WDFY2: variants seen among roughly 807,000 people sequenced by gnomAD.
WDFY2 encodes the protein WD repeat and FYVE domain-containing protein 2.
A neutral mutation model predicts 56.4 loss-of-function variants in WDFY2; 36 were observed. That is an observed-to-expected ratio of 0.64 (90% CI 0.49 to 0.84). The LOEUF (loss-of-function observed/expected upper bound fraction) is 0.84, where lower values mean the gene tolerates loss of function less well. WDFY2 is among the 40% of genes least tolerant of loss of function. The pLI is 0.00. For missense variants in WDFY2, 444 were observed against 512.2 expected (o/e 0.87, Z 1.29); for synonymous variants, 176 against 183.7 (o/e 0.96, Z 0.34).
chr13:51,750,354 G>A (rs938574321), intron 7 of WDFY2, among the ~76,000 whole-genome samples: 3 of 152,034 alleles, frequency 2.0e-5, no homozygotes, highest in Admixed American at 1.3e-4. Flanking sequence ...AGAGGTGAAG[G>A]CTTTTCTGGA....
intron 1 of WDFY2, among the ~76,000 whole-genome samples, chr13:51,595,399 C>T (rs978572648): frequency 6.6e-5 from 10 of 152,274 alleles, no homozygotes; most frequent in East Asian, 1.9e-4. Flanking sequence ...TTGAATTTGT[C>T]GGCAAGGTTT....
intron 1 of WDFY2, among the ~76,000 whole-genome samples, chr13:51,628,405 G>T (rs930044531): frequency 6.6e-6 from 1 of 152,240 alleles, no homozygotes. Context: ...AGGCCAGGGC[G>T]TGGGAGCAGG....
chr13:51,662,855 G>GTTC (rs1371859855), intron 2 of WDFY2, among the ~76,000 whole-genome samples: 1 of 152,178 alleles, frequency 6.6e-6, no homozygotes, highest in Non-Finnish European at 1.5e-5. Flanking sequence ...TGCCTTCGGT[G>GTTC]TTCTACTAAA....
chr13:51,594,787 C>T (rs765586621), intron 1 of WDFY2, among the ~76,000 whole-genome samples: 3 of 152,188 alleles, frequency 2.0e-5, no homozygotes, highest in Non-Finnish European at 4.4e-5. Flanking sequence ...GGGAGGTTTA[C>T]ATGAGATGAT....
intron 2 of WDFY2, among the ~76,000 whole-genome samples, chr13:51,674,461 G>C (rs150787078): frequency 3.9e-5 from 6 of 152,110 alleles, no homozygotes; most frequent in Admixed American, 3.3e-4. Flanking sequence ...GCTTAGGCTC[G>C]GGTGTACTCA....
chr13:51,606,186 A>G (rs1024658701), intron 1 of WDFY2, among the ~76,000 whole-genome samples: 1 of 152,202 alleles, frequency 6.6e-6, no homozygotes, highest in Non-Finnish European at 1.5e-5. Context: ...CTAGCACATG[A>G]TAGGATTTTT....
chr13:51,619,188 C>G (rs993092885), intron 1 of WDFY2, among the ~76,000 whole-genome samples: 4 of 152,182 alleles, frequency 2.6e-5, no homozygotes. Flanking sequence ...TGTGGTGGCT[C>G]ACGCCTGTAA....
intron 4 of WDFY2, among the ~76,000 whole-genome samples, chr13:51,718,504 T>C (rs528641021): frequency 1.2e-4 from 18 of 151,552 alleles, no homozygotes; most frequent in Admixed American, 2.0e-4. Flanking sequence ...ATAACTGTGA[T>C]CATATTGCTC....
At chr13:51,727,394 A>G (rs1952626929) in intron 5 of WDFY2, among the ~76,000 whole-genome samples, 1 of 152,170 alleles carries the variant, frequency 6.6e-6, no homozygotes, top group Non-Finnish European at 1.5e-5. Flanking sequence ...TTCCATATGA[A>G]CACTTCTGGC....
rs559237842 is a variant in WDFY2, at chr13:51,594,683, G to C, written c.137+9859G>C. Among the ~76,000 whole-genome samples the C allele has an allele frequency of 3.3e-5, 5 of 152,302 alleles. No individual in the cohort carries two copies. The South Asian group carries it at 6.2e-4, about 19-fold the overall frequency. On this transcript the variant is annotated intron_variant, in intron 1 of 11. Coordinates refer to ENST00000298125, the MANE Select transcript of WDFY2 (RefSeq NM_052950.4). Reference sequence around the variant, plus strand: ...CCAGGTCATCTGGCTAATGGGAAAGGAATCAGATATTGGCTCTTTCCAAAG... The same window carrying C: ...CCAGGTCATCTGGCTAATGGGAAAGCAATCAGATATTGGCTCTTTCCAAAG...
chr13:51,660,037 A>T (rs1008010137), intron 1 of WDFY2, among the ~76,000 whole-genome samples: 4 of 152,248 alleles, frequency 2.6e-5, no homozygotes, highest in African/African-American at 9.6e-5. Flanking sequence ...CACTATCATG[A>T]TTACACATGT....
chr13:51,617,512 C>T (rs1204920811), intron 1 of WDFY2, among the ~76,000 whole-genome samples: 1 of 152,150 alleles, frequency 6.6e-6, no homozygotes, highest in Non-Finnish European at 1.5e-5. Flanking sequence ...ATCATGAAGT[C>T]ATTCCTCCCT....
intron 1 of WDFY2, among the ~76,000 whole-genome samples, chr13:51,658,200 A>G (rs1955545111): frequency 6.6e-6 from 1 of 152,176 alleles, no homozygotes; most frequent in Non-Finnish European, 1.5e-5. Context: ...TGCAAATACT[A>G]TATTCCTTGT....
At chr13:51,678,051 A>G (rs1408787320) in intron 3 of WDFY2, among the ~76,000 whole-genome samples, 3 of 152,164 alleles carry the variant, frequency 2.0e-5, no homozygotes, top group Non-Finnish European at 4.4e-5. Context: ...CTGCTCTGCC[A>G]TCTTGGTCTA....
intron 1 of WDFY2, among the ~76,000 whole-genome samples, chr13:51,633,181 A>T (rs1593907923): frequency 1.3e-5 from 2 of 152,138 alleles, no homozygotes; most frequent in South Asian, 4.2e-4. Context: ...CCAGGCAGAA[A>T]CTCCAACCAG....
chr13:51,626,184 T>G (rs1210849968), intron 1 of WDFY2, among the ~76,000 whole-genome samples: 1 of 152,214 alleles, frequency 6.6e-6, no homozygotes, highest in East Asian at 1.9e-4. Flanking sequence ...CATACATTCT[T>G]CAACAATAAG....
chr13:51,687,405 A>T (rs937113479), intron 3 of WDFY2, among the ~76,000 whole-genome samples: 3 of 151,802 alleles, frequency 2.0e-5, no homozygotes, highest in Admixed American at 6.6e-5. Context: ...AGTAAGGGGG[A>T]TTGGGAATGT....
In WDFY2 at chr13:51,719,102, G is replaced by T. The variant is rs1310024024; in HGVS notation, c.335-96G>T. 3.9e-6 allele frequency: 6 copies of T among 1,535,356 alleles called. No individual in the cohort carries two copies. The Admixed American group carries it at 1.1e-4, about 28-fold the overall frequency. On this transcript the variant is annotated intron_variant, in intron 4 of 11. Coordinates refer to ENST00000298125, the MANE Select transcript of WDFY2 (RefSeq NM_052950.4). ...TGGTTCTGCTGTTCAGCTTATTCTGGGGTGGGGAGAAGAGAATGGTGCATC... is the reference window on the plus strand; with the variant it reads ...TGGTTCTGCTGTTCAGCTTATTCTGTGGTGGGGAGAAGAGAATGGTGCATC...
At chr13:51,716,421 G>A (rs1429434038) in intron 4 of WDFY2, among the ~76,000 whole-genome samples, 2 of 152,042 alleles carry the variant, frequency 1.3e-5, no homozygotes, top group Non-Finnish European at 2.9e-5. Flanking sequence ...GGCCGGGCGC[G>A]GTGGCTCACG....
Sources: gnomAD v4.1 joint callset for allele counts (sites outside exome capture counted in the v4.1 genomes callset) on GRCh38, gnomAD v4.1.1 for gene constraint, MANE v1.5 for transcripts, NCBI Gene and HGNC (gene_info 2026-07-23, HGNC 2026-07-21) for gene names.